Variants in CHLSN observed in about 807,000 individuals in gnomAD.
CHLSN encodes protein cholesin.
chr7:1,135,584 T>C, the CHLSN span, among the ~76,000 whole-genome samples: 1 of 151,340 alleles, frequency 6.6e-6, no homozygotes, highest in African/African-American at 2.4e-5. Context: ...CTGGCTAACA[T>C]GGTGAAACCC....
At chr7:1,091,810 TC>T in the CHLSN span, 5 of 1,593,002 alleles carry the variant, frequency 3.1e-6, no homozygotes, top group Non-Finnish European at 4.3e-6. Flanking sequence ...CAACACCACC[TC>T]CCCCGAGCTC....
the CHLSN span, chr7:1,058,246 G>A: frequency 1.3e-6 from 1 of 768,184 alleles, no homozygotes; most frequent in African/African-American, 1.7e-5. Flanking sequence ...ACGCAGTTTG[G>A]GCTCTGGACG....
At chr7:1,127,597 CTTTT>C in the CHLSN span, among the ~76,000 whole-genome samples, 1 of 144,456 alleles carries the variant, frequency 6.9e-6, no homozygotes, top group African/African-American at 2.6e-5. Context: ...TCCTTTCTGT[CTTTT>C]TTTTTTTTGA....
At chr7:1,026,765 C>T in the CHLSN span, 4 of 152,390 alleles carry the variant, frequency 2.6e-5, no homozygotes, top group East Asian at 7.7e-4. Context: ...GAAGGCGAGG[C>T]TCCCGTAGTG....
At chr7:1,136,244 TATAA>T in the CHLSN span, among the ~76,000 whole-genome samples, 15 of 117,100 alleles carry the variant, frequency 1.3e-4, no homozygotes, top group East Asian at 2.8e-4. Flanking sequence ...ATAAAATATA[TATAA>T]ATATATATAA....
the CHLSN span, chr7:1,092,361 C>G: frequency 6.2e-7 from 1 of 1,611,114 alleles, no homozygotes; most frequent in Non-Finnish European, 8.5e-7. Context: ...TCGCGGATGT[C>G]CGGGAGGTGC....
chr7:1,059,024 C>G, the CHLSN span: 1 of 181,332 alleles, frequency 5.5e-6, no homozygotes, highest in Non-Finnish European at 1.3e-5. Flanking sequence ...GTGCCGCAGT[C>G]ACCACAGGGT....
At chr7:1,019,194 A>C in the CHLSN span, among the ~76,000 whole-genome samples, 1 of 33,118 alleles carries the variant, frequency 3.0e-5, no homozygotes, top group East Asian at 6.2e-4. Context: ...ACTCTGTCTC[A>C]AAAAAAAAAA....
the CHLSN span, among the ~76,000 whole-genome samples, chr7:1,085,973 T>C: frequency 1.3e-5 from 2 of 152,382 alleles, no homozygotes; most frequent in Non-Finnish European, 1.5e-5. Flanking sequence ...CCCTGTCTCT[T>C]ACATCAGTAG....
At chr7:1,066,629 G>A in the CHLSN span, among the ~76,000 whole-genome samples, 5 of 152,200 alleles carry the variant, frequency 3.3e-5, no homozygotes, top group South Asian at 4.1e-4. Flanking sequence ...GTCTGTCCAC[G>A]GGATGCCCAG....
the CHLSN span, among the ~76,000 whole-genome samples, chr7:1,107,674 G>A: frequency 2.0e-5 from 3 of 152,370 alleles, no homozygotes; most frequent in Non-Finnish European, 2.9e-5. Context: ...CCACCGTGAC[G>A]TACAGTCTGC....
At chr7:1,119,411 G>A in the CHLSN span, among the ~76,000 whole-genome samples, 1 of 152,306 alleles carries the variant, frequency 6.6e-6, no homozygotes, top group Admixed American at 6.5e-5. Flanking sequence ...AAGAAAAATA[G>A]ATCAGCTGGT....
chr7:1,009,601 C>T, the CHLSN span, among the ~76,000 whole-genome samples: 4 of 152,288 alleles, frequency 2.6e-5, no homozygotes, highest in East Asian at 1.9e-4. Flanking sequence ...AAGGCCACCA[C>T]GAGTTCCCTC....
At chr7:1,057,777 C>T in the CHLSN span, 1 of 775,950 alleles carries the variant, frequency 1.3e-6, no homozygotes. Flanking sequence ...GCTCGGCCCC[C>T]CGAGCTCCCG....
chr7:1,025,188 G>C, the CHLSN span: 3 of 152,364 alleles, frequency 2.0e-5, no homozygotes, highest in African/African-American at 7.2e-5. Context: ...GAGAAGCCAG[G>C]CACCTCCCCG....
chr7:1,127,216 G>T, the CHLSN span: 1 of 1,554,948 alleles, frequency 6.4e-7, no homozygotes. Context: ...ATAACAGGTG[G>T]ATCCCAGAGG....
At chr7:1,113,371 C>T in the CHLSN span, among the ~76,000 whole-genome samples, 351 of 152,352 alleles carry the variant, frequency 2.3e-3, 1 homozygote, top group African/African-American at 7.9e-3. Flanking sequence ...AGTGCCCGCT[C>T]CCAGAAGGCG....
chr7:1,132,686 C>G, the CHLSN span, among the ~76,000 whole-genome samples: 1 of 133,546 alleles, frequency 7.5e-6, no homozygotes, highest in African/African-American at 3.1e-5. Context: ...AGAGTGAGAA[C>G]CTGTCTTTAA....
At chr7:1,109,110 T>G in the CHLSN span, among the ~76,000 whole-genome samples, 1 of 152,050 alleles carries the variant, frequency 6.6e-6, no homozygotes, top group Admixed American at 6.5e-5. Context: ...TTGGCCAGAC[T>G]GGTCTCAAAT....
Sources: gnomAD v4.1 joint callset for allele counts (sites outside exome capture counted in the v4.1 genomes callset) on GRCh38, gnomAD v4.1.1 for gene constraint, MANE v1.5 for transcripts, NCBI Gene and HGNC (gene_info 2026-07-23, HGNC 2026-07-21) for gene names.